CANX: variants seen among roughly 807,000 people sequenced by gnomAD.
CANX encodes the protein calnexin, also known as epididymis secretory sperm binding protein.
In CANX, 14 loss-of-function variants were observed where a neutral mutation model predicts 75.7. That is an observed-to-expected ratio of 0.19 (90% CI 0.12 to 0.29). The LOEUF (loss-of-function observed/expected upper bound fraction) is 0.29. Ranked by LOEUF, CANX falls within the 10% of genes least tolerant of loss-of-function variation. The probability of loss-of-function intolerance (pLI) is 1.00; values close to 1 mark genes in which losing one functional copy is unlikely to be tolerated. For missense variants in CANX, 567 were observed against 713.2 expected (o/e 0.79, Z 2.34); for synonymous variants, 227 against 236.9 (o/e 0.96, Z 0.38).
In CANX at chr5:179,689,969, G is replaced by C. The variant is rs1776272064; in HGVS notation, c.-4+11192G>C. On this transcript the variant is annotated intron_variant, in intron 1 of 14. Transcript: ENST00000681674. Reference sequence around the variant, plus strand: ...GAGCCCGTGAGGAAGGGAAGGGTGTGCTACCGGGTCCCAACAGGTCTGAAT... The same window carrying C: ...GAGCCCGTGAGGAAGGGAAGGGTGTCCTACCGGGTCCCAACAGGTCTGAAT... 2.0e-5 allele frequency among the ~76,000 whole-genome samples: 3 copies of C among 152,158 alleles called. No individual in the cohort carries two copies. In the South Asian group the frequency reaches 6.2e-4, roughly 31 times the overall value.
At position 179,716,297 on chromosome 5, in the gene CANX, G is replaced by A. The variant is rs1325875096; in HGVS notation, c.911+3G>A. 1 of 1,610,042 alleles carries A rather than the reference G, an allele frequency of 6.2e-7. No homozygotes were observed. Among genetic ancestry groups the A allele is most frequent in the Non-Finnish European group, 8.5e-7 (1 of 1,177,646 alleles). On this transcript the variant is annotated splice_donor_region_variant and intron_variant, in intron 8 of 14. Coordinates refer to ENST00000247461, the MANE Select transcript of CANX (RefSeq NM_001746.4). ...GAAGCTGTCAAGCCAGATGACTGGT[G>A]AGTCTTGGGGAACTGTCTTCAAGTG...
upstream of CANX, chr5:179,694,688 A>T (rs1383623103): frequency 2.8e-6 from 2 of 724,838 alleles, no homozygotes; most frequent in African/African-American, 3.4e-5. Context: ...TTGATGGCTC[A>T]AAGCGTCCTG....
At chr5:179,685,005 C>T (rs1355825824) in intron 1 of CANX, among the ~76,000 whole-genome samples, 4 of 141,898 alleles carry the variant, frequency 2.8e-5, no homozygotes, top group South Asian at 2.3e-4. Context: ...CTTGAACTCC[C>T]GACCTCAAGT....
intron 8 of CANX, among the ~76,000 whole-genome samples, chr5:179,718,694 A>C (rs1033371984): frequency 2.0e-5 from 3 of 151,904 alleles, no homozygotes; most frequent in African/African-American, 7.3e-5. Context: ...ACGCCCAGCT[A>C]ATTTTGTATT....
intron 3 of CANX, 73 bp downstream of exon 3, chr5:179,706,404 G>C (rs1206442067): frequency 1.4e-6 from 1 of 707,332 alleles, no homozygotes. Flanking sequence ...TTCCTTTTTG[G>C]ATAGCATCTT....
chr5:179,687,304 C>T (rs888163349), intron 1 of CANX, among the ~76,000 whole-genome samples: 17 of 151,272 alleles, frequency 1.1e-4, no homozygotes, highest in African/African-American at 3.6e-4. Context: ...GGGGTTTCAC[C>T]GTGTTAGTCA....
intron 8 of CANX, among the ~76,000 whole-genome samples, chr5:179,719,379 A>AT (rs373522604): frequency 5.9e-5 from 9 of 152,068 alleles, no homozygotes; most frequent in African/African-American, 2.2e-4. Flanking sequence ...TCGTGTGCTT[A>AT]TTGTATGTTC....
chr5:179,678,699 T>G (rs1775967193), exon 1 of CANX: 1 of 1,536,904 alleles, frequency 6.5e-7, no homozygotes, highest in Non-Finnish European at 8.7e-7. Flanking sequence ...ACCTCGGGGT[T>G]GCGCTGCTTC....
intron 1 of CANX, among the ~76,000 whole-genome samples, chr5:179,690,644 C>T (rs1380878649): frequency 6.7e-6 from 1 of 148,444 alleles, no homozygotes; most frequent in Non-Finnish European, 1.5e-5. Context: ...GTAATCCCAG[C>T]ACTTTGGGAG....
chr5:179,710,410 C>CAA (rs760599960), intron 7 of CANX, among the ~76,000 whole-genome samples: 2 of 84,466 alleles, frequency 2.4e-5, no homozygotes, highest in East Asian at 3.5e-4. Flanking sequence ...GACTCAATCT[C>CAA]AAAAAAAAAA....
chr5:179,709,769 A>G (rs1445260913), intron 6 of CANX, 104 bp from the exon 7 acceptor site: 1 of 713,568 alleles, frequency 1.4e-6, no homozygotes, highest in Non-Finnish European at 2.3e-6. Context: ...ACTGTCACTA[A>G]TATATTTGGA....
chr5:179,719,898 T>C (rs753534085), intron 9 of CANX, 117 bp downstream of exon 9: 63 of 626,668 alleles, frequency 1.0e-4, no homozygotes, highest in Non-Finnish European at 1.1e-4. Flanking sequence ...TTCGGCTCAC[T>C]GCAACTTTCA....
At chr5:179,684,095 A>G (rs1043265376) in intron 1 of CANX, among the ~76,000 whole-genome samples, 5 of 152,188 alleles carry the variant, frequency 3.3e-5, no homozygotes, top group African/African-American at 1.2e-4. Flanking sequence ...TCTCTTAAGT[A>G]AACACCTAGG....
intron 1 of CANX, among the ~76,000 whole-genome samples, chr5:179,685,265 AT>A (rs1486763313): frequency 6.6e-6 from 1 of 150,998 alleles, no homozygotes; most frequent in Non-Finnish European, 1.5e-5. Flanking sequence ...CATCTGGCTA[AT>A]TTTTTTGTTT....
At chr5:179,690,405 G>C (rs947599111) in intron 1 of CANX, among the ~76,000 whole-genome samples, 9 of 150,186 alleles carry the variant, frequency 6.0e-5, no homozygotes, top group Non-Finnish European at 1.2e-4. Context: ...GTGAAACCCC[G>C]TCTGTACTTA....
chr5:179,688,914 A>AC (rs200891242), intron 1 of CANX, among the ~76,000 whole-genome samples: 4,641 of 151,318 alleles, frequency 0.031, 104 homozygotes, highest in Non-Finnish European at 0.048. Context: ...GTACCACTGC[A>AC]CTCCAGCCTG....
intron 6 of CANX, among the ~76,000 whole-genome samples, chr5:179,709,427 A>AG (rs371392699): frequency 6.6e-5 from 10 of 151,674 alleles, no homozygotes; most frequent in East Asian, 3.9e-4. Flanking sequence ...AAAAAAAAAA[A>AG]GAGAATTTTG....
chr5:179,731,301 TAC>T lies in CANX; in HGVS notation c.*2659_*2660del, dbSNP rs1778977796. On this transcript the variant is annotated 3_prime_UTR_variant, in exon 15 of 15. Coordinates refer to ENST00000247461, the MANE Select transcript of CANX (RefSeq NM_001746.4). ...TGTTCAGAATCAGACTCCATTATTT[TAC>T]ATATACTTAAATACTTTAGGGGTAT... Among the ~76,000 whole-genome samples, 2 of 152,274 alleles carry T rather than the reference TAC, an allele frequency of 1.3e-5. No individual in the cohort carries two copies. Among genetic ancestry groups the T allele is most frequent in the Non-Finnish European group, 2.9e-5 (2 of 68,052 alleles).
upstream of CANX, chr5:179,694,384 C>T (rs1003388255): frequency 3.1e-5 from 19 of 605,590 alleles, no homozygotes; most frequent in Non-Finnish European, 5.1e-5. Context: ...ATGGCAAAGA[C>T]GGATAAAGTG....
Sources: gnomAD v4.1 joint callset for allele counts (sites outside exome capture counted in the v4.1 genomes callset) on GRCh38, gnomAD v4.1.1 for gene constraint, MANE v1.5 for transcripts, NCBI Gene and HGNC (gene_info 2026-07-23, HGNC 2026-07-21) for gene names.